PKD2L2: variants seen among roughly 807,000 people sequenced by gnomAD.
PKD2L2 encodes polycystin 2 like 2, transient receptor potential cation channel.
A neutral mutation model predicts 83.9 loss-of-function variants in PKD2L2; 67 were observed. The ratio of observed to expected loss-of-function variants is 0.80; its 90% CI spans 0.66 to 0.98. The LOEUF is 0.98. Among genes scored for constraint, PKD2L2 ranks in the 50% least tolerant of loss-of-function variants. The pLI, the probability that PKD2L2 is intolerant of heterozygous loss-of-function variation, is 0.00. For missense variants in PKD2L2, 632 were observed against 717.2 expected (o/e 0.88, Z 1.36); for synonymous variants, 223 against 237.8 (o/e 0.94, Z 0.57).
chr5:137,912,801 C>CTTTTTTTTTTTTTTTT (rs71583287), intron 8 of PKD2L2, among the ~76,000 whole-genome samples: 1 of 99,858 alleles, frequency 1.0e-5, no homozygotes, highest in Non-Finnish European at 2.0e-5. Context: ...TGTTTTCTTT[C>CTTTTTTTTTTTTTTTT]TTTCTTTTTT....
At chr5:137,910,797 A>AC (rs1010263373) in intron 8 of PKD2L2, among the ~76,000 whole-genome samples, 9 of 149,938 alleles carry the variant, frequency 6.0e-5, no homozygotes, top group Admixed American at 2.7e-4. Flanking sequence ...AAGAAAAACA[A>AC]AAAAAAAAAG....
intron 12 of PKD2L2, among the ~76,000 whole-genome samples, chr5:137,934,145 C>T (rs1383566030): frequency 6.6e-6 from 1 of 152,142 alleles, no homozygotes; most frequent in Non-Finnish European, 1.5e-5. Flanking sequence ...CCAGAGACAA[C>T]TAACTGCAGG....
intron 4 of PKD2L2, among the ~76,000 whole-genome samples, chr5:137,897,038 AT>A (rs374354853): frequency 1.5e-4 from 6 of 39,468 alleles, no homozygotes; most frequent in Admixed American, 2.8e-4. Flanking sequence ...TTATTATATT[AT>A]TATTATTATT....
intron 14 of PKD2L2, among the ~76,000 whole-genome samples, chr5:137,941,026 C>G (rs1017931459): frequency 2.0e-5 from 3 of 152,180 alleles, no homozygotes; most frequent in Non-Finnish European, 4.4e-5. Context: ...CTGCCTCAGC[C>G]TCTAGAGTAG....
At chr5:137,933,532 C>CT (rs1165575987) in intron 12 of PKD2L2, among the ~76,000 whole-genome samples, 2 of 152,188 alleles carry the variant, frequency 1.3e-5, no homozygotes, top group African/African-American at 4.8e-5. Context: ...GGGCTACAGT[C>CT]TTTGTTTCTG....
At chr5:137,899,085 A>C (rs1227659741) in intron 4 of PKD2L2, among the ~76,000 whole-genome samples, 2 of 152,096 alleles carry the variant, frequency 1.3e-5, no homozygotes, top group Admixed American at 1.3e-4. Context: ...TTTTTAAAAA[A>C]CTACTACTTT....
rs181632476 is a variant in PKD2L2 at position 137,928,446 on chromosome 5, T to C, written c.1671+2517T>C. Among the ~76,000 whole-genome samples, 60 of 147,182 alleles carry C rather than the reference T, an allele frequency of 4.1e-4. 1 individual carries two copies. Among genetic ancestry groups the C allele is most frequent in the Non-Finnish European group, 1.4e-4 (9 of 66,474 alleles). ...AGAATTAATAAACCAGTAAGAAACATAATACGACAAGGTTAGCTCTGTTGC... is the reference window on the plus strand; with the variant it reads ...AGAATTAATAAACCAGTAAGAAACACAATACGACAAGGTTAGCTCTGTTGC... On this transcript the variant is annotated intron_variant, in intron 12 of 14. Transcript: ENST00000508883.
chr5:137,900,615 A>C (rs1756870639), intron 5 of PKD2L2, among the ~76,000 whole-genome samples: 2 of 152,152 alleles, frequency 1.3e-5, no homozygotes, highest in Non-Finnish European at 2.9e-5. Context: ...CACTGCAGCT[A>C]TGCCAGCAGG....
intron 12 of PKD2L2, among the ~76,000 whole-genome samples, chr5:137,934,395 A>G (rs1329666296): frequency 1.3e-5 from 2 of 152,232 alleles, no homozygotes; most frequent in Non-Finnish European, 2.9e-5. Flanking sequence ...TCATTTAGAA[A>G]TGGTTTCAGG....
At position 137,936,320 on chromosome 5, in the gene PKD2L2, AC is replaced by A; in HGVS notation, c.1786del (p.Leu596PhefsTer17). On this transcript the variant is annotated frameshift_variant and splice_region_variant, in exon 14 of 15. Transcript: ENST00000508883. LOFTEE classifies it high-confidence loss of function. ...CTCTACTTCCTTCGAAATTTTCTAG[AC>A]TTTTTTTATATGCTGTGGAGCTGGA... ...QPVTQEEFRE[L>X]FLYAVELEKE... 6.5e-7 allele frequency: 1 copy of A among 1,530,192 alleles called. No homozygotes were observed. The highest frequency in any genetic ancestry group is 8.8e-7 in the Non-Finnish European group (1 of 1,141,500). 94.8% of individuals were successfully genotyped at this position (1,530,192 alleles called of 1,614,324 possible).
rs191012389 is a variant in PKD2L2, at chr5:137,906,717, A to C, written c.975+283A>C. ...GTGCACAGTAGGCCTCCCTACCCCT[A>C]CTTAAAAAATGTATTACTTACAGGG... On this transcript the variant is annotated intron_variant, in intron 6 of 14. Transcript: ENST00000508883. Among the ~76,000 whole-genome samples the C allele has an allele frequency of 5.4e-5, 8 of 149,186 alleles. No homozygotes were observed. The East Asian group carries it at 1.5e-3, about 29-fold the overall frequency.
At chr5:137,931,412 C>T (rs1051200439) in intron 12 of PKD2L2, among the ~76,000 whole-genome samples, 1 of 152,190 alleles carries the variant, frequency 6.6e-6, no homozygotes, top group African/African-American at 2.4e-5. Context: ...CAGGAAATCT[C>T]ATGTATACAT....
At chr5:137,917,163 T>TA (rs1758442542) in intron 8 of PKD2L2, among the ~76,000 whole-genome samples, 1 of 9,724 alleles carries the variant, frequency 1.0e-4, no homozygotes, top group Admixed American at 1.4e-3. Context: ...TTCACTTTTC[T>TA]TTTTTTTTTT....
intron 8 of PKD2L2, among the ~76,000 whole-genome samples, chr5:137,917,812 G>A (rs920052245): frequency 6.6e-6 from 1 of 152,014 alleles, no homozygotes; most frequent in Non-Finnish European, 1.5e-5. Context: ...CCATTGAATG[G>A]CTCATATTTC....
rs116438111 is a variant in PKD2L2 at position 137,901,892 on chromosome 5, A to G, written c.746+2155A>G. Among the ~76,000 whole-genome samples, 1,444 of 152,244 alleles carry G rather than the reference A, an allele frequency of 9.5e-3. 26 individuals are homozygous for G. The highest frequency in any genetic ancestry group is 0.033 in the African/African-American group (1,363 of 41,548). The stretch of plus-strand genomic sequence containing the variant: ...TTATTAAAAACTGTGAAACCATCAA[A>G]CCTGAAACAACAAATACCCGCTGGA... On this transcript the variant is annotated intron_variant, in intron 5 of 14. Transcript: ENST00000508883.
At chr5:137,930,592 G>A (rs973167562) in intron 12 of PKD2L2, among the ~76,000 whole-genome samples, 1 of 151,588 alleles carries the variant, frequency 6.6e-6, no homozygotes, top group Non-Finnish European at 1.5e-5. Flanking sequence ...AACACCGGGA[G>A]GTGGAGGTTG....
intron 14 of PKD2L2, chr5:137,940,133 A>G (rs1761203761): frequency 6.2e-7 from 1 of 1,614,130 alleles, no homozygotes. Flanking sequence ...TGAGTGCCTG[A>G]CAAAACGAAT....
rs191627496 is a variant in PKD2L2 at position 137,904,397 on chromosome 5, G to A, written c.747-1809G>A. Reference sequence around the variant, plus strand: ...AAAATGGAATAATGACTGCTAAAGAGGCAAACAACAGTGTCTACTATACAC... The same window carrying A: ...AAAATGGAATAATGACTGCTAAAGAAGCAAACAACAGTGTCTACTATACAC... On this transcript the variant is annotated intron_variant, in intron 5 of 14. Coordinates refer to ENST00000508883, the MANE Select transcript of PKD2L2 (RefSeq NM_001300921.2). 4.1e-4 allele frequency among the ~76,000 whole-genome samples: 63 copies of A among 152,218 alleles called. 1 individual carries two copies. The East Asian group carries it at 9.8e-3, about 24-fold the overall frequency.
chr5:137,891,366 T>C (rs1484732307), intron 2 of PKD2L2, among the ~76,000 whole-genome samples: 1 of 151,768 alleles, frequency 6.6e-6, no homozygotes, highest in Non-Finnish European at 1.5e-5. Flanking sequence ...CTGAGAAGGC[T>C]GAGGTGGAGG....
Sources: gnomAD v4.1 joint callset for allele counts (sites outside exome capture counted in the v4.1 genomes callset) on GRCh38, gnomAD v4.1.1 for gene constraint, MANE v1.5 for transcripts, NCBI Gene and HGNC (gene_info 2026-07-23, HGNC 2026-07-21) for gene names.